IMMP2L: variants seen among roughly 807,000 people sequenced by gnomAD.
The protein encoded by IMMP2L is mitochondrial inner membrane protease subunit 2.
IMMP2L carries 18 observed loss-of-function variants against 19.3 expected under a neutral mutation model. That is an observed-to-expected ratio of 0.93 (90% CI 0.64 to 1.38). The LOEUF (loss-of-function observed/expected upper bound fraction) is 1.38. Among genes scored for constraint, IMMP2L ranks in the 40% most tolerant of loss-of-function variants. IMMP2L has a pLI of 0.00. For synonymous variants in IMMP2L, 76 were observed against 73.0 expected, an observed-to-expected ratio of 1.04 and a Z score of -0.21; for missense variants, 233 against 218.2, an observed-to-expected ratio of 1.07 and a Z score of -0.43.
At chr7:110,817,932 C>A (rs1204296571) in intron 5 of IMMP2L, among the ~76,000 whole-genome samples, 4 of 152,140 alleles carry the variant, frequency 2.6e-5, no homozygotes, top group Non-Finnish European at 5.9e-5. Flanking sequence ...GAAACTGGAT[C>A]CCTTCCTTAC....
intron 3 of IMMP2L, among the ~76,000 whole-genome samples, chr7:111,421,691 G>A (rs1835571210): frequency 6.6e-6 from 1 of 151,744 alleles, no homozygotes; most frequent in South Asian, 2.1e-4. Flanking sequence ...TCTGATGGTA[G>A]TTTCTTTTGC....
intron 3 of IMMP2L, among the ~76,000 whole-genome samples, chr7:111,304,670 A>ATGTGTGTGTGTGTG (rs147788856): frequency 6.0e-4 from 76 of 126,060 alleles, no homozygotes; most frequent in East Asian, 4.5e-3. Context: ...CACATATATA[A>ATGTGTGTGTGTGTG]TGTGTGTGTG....
intron 3 of IMMP2L, among the ~76,000 whole-genome samples, chr7:111,055,735 G>T (rs1027931395): frequency 6.6e-6 from 1 of 152,170 alleles, no homozygotes; most frequent in Non-Finnish European, 1.5e-5. Flanking sequence ...GGACATAATG[G>T]GTAGAGGGAT....
At chr7:110,932,386 C>G (rs1420946193) in intron 4 of IMMP2L, among the ~76,000 whole-genome samples, 1 of 151,978 alleles carries the variant, frequency 6.6e-6, no homozygotes, top group Non-Finnish European at 1.5e-5. Context: ...TGGAGTCTCA[C>G]TCTGTCGCCC....
intron 3 of IMMP2L, among the ~76,000 whole-genome samples, chr7:111,190,455 A>T (rs1317238645): frequency 1.3e-5 from 2 of 152,156 alleles, no homozygotes; most frequent in East Asian, 3.8e-4. Flanking sequence ...TATTTTGCAT[A>T]AAATATATGT....
chr7:111,526,728 A>AAGTT (rs1846899247), intron 1 of IMMP2L, among the ~76,000 whole-genome samples: 1 of 152,134 alleles, frequency 6.6e-6, no homozygotes, highest in Admixed American at 6.6e-5. Flanking sequence ...AACTTCTGGA[A>AAGTT]AGTTCTGTCA....
chr7:110,764,233 C>A (rs1198950232), intron 5 of IMMP2L, among the ~76,000 whole-genome samples: 2 of 152,050 alleles, frequency 1.3e-5, no homozygotes, highest in Non-Finnish European at 2.9e-5. Flanking sequence ...AACTATATAA[C>A]CACTTAAAGA....
intron 3 of IMMP2L, among the ~76,000 whole-genome samples, chr7:111,233,903 T>C (rs944203639): frequency 6.6e-6 from 1 of 152,068 alleles, no homozygotes; most frequent in Non-Finnish European, 1.5e-5. Flanking sequence ...ACACATCAAT[T>C]GTTTTGTAGC....
intron 5 of IMMP2L, among the ~76,000 whole-genome samples, chr7:110,866,133 G>A (rs1222286288): frequency 6.6e-6 from 1 of 151,712 alleles, no homozygotes; most frequent in Non-Finnish European, 1.5e-5. Flanking sequence ...TCTTATCCTT[G>A]AGTATCTATT....
chr7:110,765,097 G>A (rs1301982084), intron 5 of IMMP2L, among the ~76,000 whole-genome samples: 5 of 152,050 alleles, frequency 3.3e-5, no homozygotes, highest in Non-Finnish European at 7.4e-5. Flanking sequence ...GAAAAGAAAA[G>A]CTTAATTAAC....
At chr7:110,958,154 C>T (rs1462456542) in intron 4 of IMMP2L, among the ~76,000 whole-genome samples, 1 of 152,006 alleles carries the variant, frequency 6.6e-6, no homozygotes, top group Non-Finnish European at 1.5e-5. Context: ...AAAATTTCCC[C>T]ATTGCACATG....
intron 3 of IMMP2L, among the ~76,000 whole-genome samples, chr7:111,200,328 C>T (rs1240357391): frequency 6.6e-6 from 1 of 152,046 alleles, no homozygotes; most frequent in African/African-American, 2.4e-5. Flanking sequence ...AAGTGTAATA[C>T]TGTTTAATTT....
chr7:110,738,743 A>C (rs1796804480), intron 5 of IMMP2L, among the ~76,000 whole-genome samples: 1 of 152,212 alleles, frequency 6.6e-6, no homozygotes, highest in African/African-American at 2.4e-5. Flanking sequence ...TCATCACAAA[A>C]AGATCCTTGC....
At chr7:111,221,503 G>A (rs915597338) in intron 3 of IMMP2L, among the ~76,000 whole-genome samples, 4 of 151,624 alleles carry the variant, frequency 2.6e-5, no homozygotes, top group African/African-American at 9.7e-5. Flanking sequence ...CTGAAACAGA[G>A]AGAGAGAGAG....
chr7:111,000,774 G>A (rs897904967), intron 3 of IMMP2L, among the ~76,000 whole-genome samples: 2 of 151,848 alleles, frequency 1.3e-5, no homozygotes, highest in African/African-American at 2.4e-5. Flanking sequence ...AACCTGGGAG[G>A]TGGAGTTTGC....
At chr7:110,997,616 T>C (rs1823181414) in intron 3 of IMMP2L, among the ~76,000 whole-genome samples, 1 of 152,172 alleles carries the variant, frequency 6.6e-6, no homozygotes. Context: ...TGACTAATGA[T>C]GTTTAACATC....
intron 3 of IMMP2L, chr7:111,124,486 C>G (rs766189186): frequency 6.2e-7 from 1 of 1,613,910 alleles, no homozygotes; most frequent in East Asian, 2.2e-5. Context: ...TGCTCGAATA[C>G]CATCTGATGT....
intron 1 of IMMP2L, among the ~76,000 whole-genome samples, chr7:111,542,763 G>A (rs1276035454): frequency 1.3e-5 from 2 of 152,016 alleles, no homozygotes; most frequent in Admixed American, 6.6e-5. Context: ...GGGTAGAAAA[G>A]GAAGAAAAGT....
chr7:111,552,958 G>A (rs913386938), intron 1 of IMMP2L, among the ~76,000 whole-genome samples: 3 of 152,080 alleles, frequency 2.0e-5, no homozygotes, highest in African/African-American at 4.8e-5. Context: ...ACACCAACTG[G>A]CCAGCCAAGT....
Sources: gnomAD v4.1 joint callset for allele counts (sites outside exome capture counted in the v4.1 genomes callset) on GRCh38, gnomAD v4.1.1 for gene constraint, MANE v1.5 for transcripts, NCBI Gene and HGNC (gene_info 2026-07-23, HGNC 2026-07-21) for gene names.